The following ZPBP variants were observed in gnomAD, a reference collection of about 807,000 sequenced individuals.
The protein encoded by ZPBP is zona pellucida binding protein.
In ZPBP, 26 loss-of-function variants were observed where a neutral mutation model predicts 44.8. That is an observed-to-expected ratio of 0.58 (90% CI 0.43 to 0.81). ZPBP has a LOEUF of 0.81. Among genes scored for constraint, ZPBP ranks in the 30% least tolerant of loss-of-function variants. The pLI, the probability that ZPBP is intolerant of heterozygous loss-of-function variation, is 0.00. For missense variants in ZPBP, 409 were observed against 434.0 expected, an observed-to-expected ratio of 0.94 and a Z score of 0.51; for synonymous variants, 174 against 153.2, an observed-to-expected ratio of 1.14 and a Z score of -1.00.
intron 3 of ZPBP, among the ~76,000 whole-genome samples, chr7:50,076,949 T>G (rs1009366281): frequency 6.6e-6 from 1 of 151,978 alleles, no homozygotes; most frequent in East Asian, 1.9e-4. Context: ...AAAGCTATCC[T>G]GAGCAAAAAG....
chr7:49,980,912 T>C (rs1258361892), intron 7 of ZPBP, among the ~76,000 whole-genome samples: 1 of 151,944 alleles, frequency 6.6e-6, no homozygotes, highest in Non-Finnish European at 1.5e-5. Context: ...TTAAGTTAGA[T>C]TAAAAGCCTT....
intron 7 of ZPBP, among the ~76,000 whole-genome samples, chr7:49,949,590 G>GA (rs990018303): frequency 5.9e-5 from 9 of 151,844 alleles, no homozygotes; most frequent in African/African-American, 1.9e-4. Context: ...CATTTATAGA[G>GA]AAAAAATGTA....
intron 4 of ZPBP, among the ~76,000 whole-genome samples, chr7:50,057,606 T>C (rs1026853043): frequency 2.6e-5 from 4 of 152,230 alleles, no homozygotes; most frequent in Non-Finnish European, 5.9e-5. Context: ...AAGGAATTTA[T>C]AGTGGTGTTT....
At chr7:49,953,803 A>G (rs749634729) in intron 7 of ZPBP, among the ~76,000 whole-genome samples, 71 of 152,306 alleles carry the variant, frequency 4.7e-4, no homozygotes, top group Non-Finnish European at 6.6e-4. Context: ...AATATTGCTG[A>G]AAGAAACTAA....
intron 7 of ZPBP, among the ~76,000 whole-genome samples, chr7:49,939,470 G>A (rs1426686960): frequency 1.3e-5 from 2 of 151,706 alleles, no homozygotes; most frequent in Non-Finnish European, 2.9e-5. Context: ...GTAGAACTGG[G>A]GAAAAATGTT....
intron 4 of ZPBP, among the ~76,000 whole-genome samples, chr7:50,044,353 C>G (rs1234656093): frequency 6.6e-6 from 1 of 152,016 alleles, no homozygotes; most frequent in Non-Finnish European, 1.5e-5. Context: ...ATGAAAAACT[C>G]TCCAAAAAAT....
intron 1 of ZPBP, among the ~76,000 whole-genome samples, chr7:49,906,436 C>T (rs543825775): frequency 3.0e-4 from 45 of 152,102 alleles, no homozygotes; most frequent in Admixed American, 5.9e-4. Context: ...CCTGGGTTCA[C>T]GCCATTTTCC....
chr7:49,852,026 C>T lies in ZPBP; in HGVS notation n.510-1512G>A, dbSNP rs113711124. Among the ~76,000 whole-genome samples, 272 of 152,250 alleles carry T rather than the reference C, an allele frequency of 1.8e-3. 3 individuals carry two copies. Among genetic ancestry groups the T allele is most frequent in the African/African-American group, 6.1e-3 (253 of 41,556 alleles). On this transcript the variant is annotated intron_variant and non_coding_transcript_variant, in intron 2 of 2. Coordinates refer to the ZPBP transcript ENST00000465922. ...AGATCACTGCTGTCAGCCTAGGGTC[C>T]GGATTTAATCCGGATTAAACCAATA...
intron 2 of ZPBP, among the ~76,000 whole-genome samples, chr7:49,892,613 T>C (rs923410698): frequency 6.6e-6 from 1 of 152,234 alleles, no homozygotes; most frequent in East Asian, 1.9e-4. Context: ...TCATGCTGTG[T>C]TGGCATTTTT....
chr7:50,047,899 C>A (rs1420010461), intron 4 of ZPBP, among the ~76,000 whole-genome samples: 1 of 152,166 alleles, frequency 6.6e-6, no homozygotes, highest in Non-Finnish European at 1.5e-5. Context: ...GCACTGGATG[C>A]AGAACCACTG....
At chr7:49,860,371 G>A (rs1412380037) in intron 2 of ZPBP, among the ~76,000 whole-genome samples, 1 of 152,078 alleles carries the variant, frequency 6.6e-6, no homozygotes, top group Non-Finnish European at 1.5e-5. Flanking sequence ...TTTGTGTCTG[G>A]CTTATTTCAC....
At chr7:49,914,419 T>A (rs1793612511) in intron 1 of ZPBP, 2 of 152,204 alleles carry the variant, frequency 1.3e-5, no homozygotes, top group Non-Finnish European at 2.9e-5. Context: ...AAACTTAGTT[T>A]GACCTGCAGG....
At chr7:49,976,280 C>T (rs1343264315) in intron 7 of ZPBP, among the ~76,000 whole-genome samples, 1 of 152,130 alleles carries the variant, frequency 6.6e-6, no homozygotes, top group Non-Finnish European at 1.5e-5. Context: ...GAACATGTTT[C>T]TGCCTGGGAT....
At chr7:50,038,454 A>G (rs937658239) in intron 4 of ZPBP, among the ~76,000 whole-genome samples, 2 of 152,224 alleles carry the variant, frequency 1.3e-5, no homozygotes, top group African/African-American at 4.8e-5. Flanking sequence ...TAATAGTTCA[A>G]GAAACCCAAA....
At chr7:49,946,523 A>T (rs1231684942) in intron 7 of ZPBP, among the ~76,000 whole-genome samples, 1 of 151,132 alleles carries the variant, frequency 6.6e-6, no homozygotes, top group Non-Finnish European at 1.5e-5. Context: ...ATGTCATACC[A>T]CTCTCTCCTG....
chr7:49,867,543 AT>A (rs1358820981), intron 2 of ZPBP, among the ~76,000 whole-genome samples: 3 of 152,234 alleles, frequency 2.0e-5, no homozygotes, highest in African/African-American at 7.2e-5. Context: ...TCTGTTAAAA[AT>A]AAAAGACTGA....
chr7:49,948,106 CT>C (rs1023627365), intron 7 of ZPBP, among the ~76,000 whole-genome samples: 5 of 152,182 alleles, frequency 3.3e-5, no homozygotes, highest in African/African-American at 1.2e-4. Context: ...GGGCTACCCC[CT>C]AGCTCAGAGA....
chr7:49,940,629 G>T (rs1794834052), intron 7 of ZPBP: 1 of 316,106 alleles, frequency 3.2e-6, no homozygotes, highest in Non-Finnish European at 4.6e-6. Context: ...CCAGCCATAG[G>T]TCTACAGCAA....
chr7:49,962,938 A>G (rs1299675107), intron 7 of ZPBP, among the ~76,000 whole-genome samples: 2 of 151,674 alleles, frequency 1.3e-5, no homozygotes, highest in Non-Finnish European at 3.0e-5. Flanking sequence ...TGATACTTGA[A>G]AGATAACATT....
Sources: gnomAD v4.1 joint callset for allele counts (sites outside exome capture counted in the v4.1 genomes callset) on GRCh38, gnomAD v4.1.1 for gene constraint, MANE v1.5 for transcripts, NCBI Gene and HGNC (gene_info 2026-07-23, HGNC 2026-07-21) for gene names.